The following NRG3 variants were observed in gnomAD, a reference collection of about 807,000 sequenced individuals.
NRG3 encodes pro-neuregulin-3, membrane-bound isoform.
NRG3 carries 31 observed loss-of-function variants against 66.9 expected under a neutral mutation model. That is an observed-to-expected ratio of 0.46 (90% confidence interval 0.35 to 0.63). The LOEUF (loss-of-function observed/expected upper bound fraction) is 0.63, where lower values mean the gene tolerates loss of function less well. Ranked by LOEUF, NRG3 falls within the 20% of genes least tolerant of loss-of-function variation. NRG3 has a pLI of 0.00. For missense variants in NRG3, 910 were observed against 878.9 expected (o/e 1.04, Z -0.45); for synonymous variants, 393 against 359.4 (o/e 1.09, Z -1.06).
At chr10:82,755,684 G>A (rs1415277088) in intron 3 of NRG3, among the ~76,000 whole-genome samples, 1 of 152,070 alleles carries the variant, frequency 6.6e-6, no homozygotes, top group African/African-American at 2.4e-5. Context: ...TGCTGAGAAG[G>A]ACAAAACCAT....
At chr10:81,937,017 A>G (rs934528314) in intron 1 of NRG3, among the ~76,000 whole-genome samples, 1 of 152,206 alleles carries the variant, frequency 6.6e-6, no homozygotes, top group Admixed American at 6.5e-5. Flanking sequence ...ACAAACATGA[A>G]ATCGTGAAAC....
At chr10:82,156,014 G>C (rs2071159330) in intron 1 of NRG3, among the ~76,000 whole-genome samples, 1 of 151,514 alleles carries the variant, frequency 6.6e-6, no homozygotes, top group Non-Finnish European at 1.5e-5. Context: ...AAATGTTGGG[G>C]AACTGATATA....
chr10:82,865,872 C>A (rs1840674960), intron 4 of NRG3, among the ~76,000 whole-genome samples: 1 of 152,240 alleles, frequency 6.6e-6, no homozygotes, highest in South Asian at 2.1e-4. Flanking sequence ...AGTCCCCTTC[C>A]TTTTGTGAGA....
intron 1 of NRG3, among the ~76,000 whole-genome samples, chr10:82,183,148 A>G (rs2073548196): frequency 1.3e-5 from 2 of 151,676 alleles, no homozygotes. Context: ...ATCTGAGTGC[A>G]TTTTTCCTTC....
chr10:82,814,552 C>G (rs1379777038), intron 3 of NRG3, among the ~76,000 whole-genome samples: 2 of 152,128 alleles, frequency 1.3e-5, no homozygotes, highest in Admixed American at 6.5e-5. Flanking sequence ...ATTTAGTATT[C>G]TCTCATCCTC....
At chr10:81,949,593 A>C (rs1336443271) in intron 1 of NRG3, among the ~76,000 whole-genome samples, 3 of 151,962 alleles carry the variant, frequency 2.0e-5, no homozygotes, top group African/African-American at 7.3e-5. Flanking sequence ...CAAATGGGTA[A>C]CTCTTAATTA....
At chr10:82,257,077 G>A (rs1282304246) in intron 1 of NRG3, among the ~76,000 whole-genome samples, 2 of 152,180 alleles carry the variant, frequency 1.3e-5, no homozygotes, top group Non-Finnish European at 2.9e-5. Flanking sequence ...TTGTGGACCT[G>A]ATTGCAAGAT....
intron 1 of NRG3, among the ~76,000 whole-genome samples, chr10:82,252,362 C>G (rs1456175830): frequency 3.3e-5 from 5 of 152,164 alleles, no homozygotes; most frequent in Non-Finnish European, 5.9e-5. Flanking sequence ...ATTGGCTCAG[C>G]TGGTCTTCAC....
intron 2 of NRG3, among the ~76,000 whole-genome samples, chr10:82,477,060 A>G (rs1268390572): frequency 6.6e-6 from 1 of 152,158 alleles, no homozygotes; most frequent in Non-Finnish European, 1.5e-5. Context: ...GTATAAAACC[A>G]CATGTGAACT....
At chr10:82,459,866 A>T (rs2091435327) in intron 2 of NRG3, among the ~76,000 whole-genome samples, 1 of 152,220 alleles carries the variant, frequency 6.6e-6, no homozygotes, top group Non-Finnish European at 1.5e-5. Context: ...TTTTCAAGAA[A>T]AAAGATAATT....
intron 2 of NRG3, among the ~76,000 whole-genome samples, chr10:82,408,125 A>AAG (rs1166474710): frequency 6.9e-6 from 1 of 144,450 alleles, no homozygotes; most frequent in African/African-American, 2.6e-5. Flanking sequence ...GAAAGAAAGA[A>AAG]AGAAAGAAAG....
chr10:81,881,502 T>G (rs1043692141), intron 1 of NRG3, among the ~76,000 whole-genome samples: 2 of 152,170 alleles, frequency 1.3e-5, no homozygotes, highest in African/African-American at 4.8e-5. Context: ...TGGTAGCATT[T>G]TTATCTGATT....
Position 82,777,869 on chromosome 10 carries a change from A to G in NRG3, c.1027+39219A>G, listed in dbSNP as rs114150772. ...ATGTTGGGGCACGGCTGTAGCTTGG[A>G]CTCCGGGGAGTAGGGGGCAATACAA... On this transcript the variant is annotated intron_variant, in intron 3 of 8. Coordinates refer to ENST00000372141, the MANE Select transcript of NRG3 (RefSeq NM_001010848.4). Among the ~76,000 whole-genome samples the G allele has an allele frequency of 3.9e-3, 596 of 152,098 alleles. 3 individuals are homozygous for G. The highest frequency in any genetic ancestry group is 0.014 in the African/African-American group (578 of 41,476).
intron 1 of NRG3, among the ~76,000 whole-genome samples, chr10:82,076,185 C>T (rs2065079965): frequency 6.6e-6 from 1 of 152,136 alleles, no homozygotes; most frequent in African/African-American, 2.4e-5. Flanking sequence ...TCCTTCACTT[C>T]TTTGCTAAGT....
chr10:82,650,471 T>C (rs2051326649), intron 2 of NRG3, among the ~76,000 whole-genome samples: 1 of 152,230 alleles, frequency 6.6e-6, no homozygotes, highest in Non-Finnish European at 1.5e-5. Context: ...CTCTGCTATA[T>C]CAGCATGAGG....
At chr10:81,994,581 T>A (rs1323760051) in intron 1 of NRG3, among the ~76,000 whole-genome samples, 1 of 152,034 alleles carries the variant, frequency 6.6e-6, no homozygotes, top group African/African-American at 2.4e-5. Context: ...GCATGTCGAA[T>A]AGTTGGAAAG....
intron 1 of NRG3, among the ~76,000 whole-genome samples, chr10:81,966,952 TTCTC>T (rs151055959): frequency 0.029 from 4,455 of 152,188 alleles, 216 homozygotes; most frequent in African/African-American, 0.1. Flanking sequence ...TTTATATTTG[TTCTC>T]TCTCTTTATT....
chr10:82,634,931 A>G (rs2050085815), intron 2 of NRG3, among the ~76,000 whole-genome samples: 1 of 152,202 alleles, frequency 6.6e-6, no homozygotes, highest in South Asian at 2.1e-4. Flanking sequence ...AAAGGAAGAC[A>G]GTTGTGACCA....
At chr10:82,852,695 A>C (rs775468741) in intron 3 of NRG3, among the ~76,000 whole-genome samples, 2 of 152,174 alleles carry the variant, frequency 1.3e-5, no homozygotes, top group Non-Finnish European at 2.9e-5. Context: ...AAGTGATGTA[A>C]AATTAGAAAT....
Sources: allele counts gnomAD v4.1 joint callset (sites outside exome capture counted in the v4.1 genomes callset), GRCh38; gene constraint gnomAD v4.1.1; transcripts MANE v1.5; gene names NCBI Gene and HGNC (gene_info 2026-07-23, HGNC 2026-07-21).